The following TOM1L2 variants were observed in gnomAD, a reference collection of about 807,000 sequenced individuals.
TOM1L2 encodes TOM1-like protein 2.
TOM1L2 carries 31 observed loss-of-function variants against 67.9 expected under a neutral mutation model. The ratio of observed to expected loss-of-function variants is 0.46; its 90% CI spans 0.34 to 0.62. The LOEUF is 0.62. Among genes scored for constraint, TOM1L2 ranks in the 20% least tolerant of loss-of-function variants. The pLI is 0.01. For missense variants in TOM1L2, 606 were observed against 663.5 expected, an observed-to-expected ratio of 0.91 and a Z score of 0.95; for synonymous variants, 256 against 254.0, an observed-to-expected ratio of 1.01 and a Z score of -0.07.
chr17:17,921,662 G>A (rs745722018), intron 1 of TOM1L2, among the ~76,000 whole-genome samples: 9 of 151,092 alleles, frequency 6.0e-5, no homozygotes, highest in Non-Finnish European at 1.2e-4. Context: ...AGACAGGTGG[G>A]GGTGGCTGGG....
intron 2 of TOM1L2, among the ~76,000 whole-genome samples, chr17:17,905,860 G>A (rs1346431179): frequency 2.6e-5 from 4 of 152,086 alleles, no homozygotes; most frequent in Non-Finnish European, 1.5e-5. Context: ...GGTTCTACAT[G>A]GCCCTGTGTT....
At chr17:17,879,570 C>T (rs2037604235) in intron 7 of TOM1L2, 57 bp downstream of exon 7, 1 of 1,411,848 alleles carries the variant, frequency 7.1e-7, no homozygotes, top group Admixed American at 1.7e-5. Context: ...GATCCTCCAA[C>T]AGTGTACGGT....
intron 1 of TOM1L2, among the ~76,000 whole-genome samples, chr17:17,935,400 A>T (rs568986689): frequency 1.4e-4 from 21 of 152,362 alleles, no homozygotes; most frequent in Middle Eastern, 3.4e-3. Context: ...TCCTTGATTT[A>T]AATTGGGCTT....
intron 10 of TOM1L2, among the ~76,000 whole-genome samples, chr17:17,863,858 CTT>C (rs1228749126): frequency 6.6e-6 from 1 of 151,648 alleles, no homozygotes; most frequent in African/African-American, 2.4e-5. Flanking sequence ...GGACACTACA[CTT>C]TTGTTGTTGT....
At chr17:17,864,461 C>T (rs1392979363) in intron 10 of TOM1L2, among the ~76,000 whole-genome samples, 1 of 150,430 alleles carries the variant, frequency 6.6e-6, no homozygotes, top group Non-Finnish European at 1.5e-5. Context: ...CCACCCGCCT[C>T]GGCCTCCCAA....
At chr17:17,943,157 G>C (rs2040806432) in intron 1 of TOM1L2, among the ~76,000 whole-genome samples, 1 of 152,056 alleles carries the variant, frequency 6.6e-6, no homozygotes, top group African/African-American at 2.4e-5. Context: ...ATAAGAAAAA[G>C]CAAAAATAAA....
At chr17:17,942,896 T>A (rs969376412) in intron 1 of TOM1L2, among the ~76,000 whole-genome samples, 1 of 152,198 alleles carries the variant, frequency 6.6e-6, no homozygotes, top group South Asian at 2.1e-4. Flanking sequence ...CTCAGAGACA[T>A]GAAGACTGTT....
intron 2 of TOM1L2, among the ~76,000 whole-genome samples, chr17:17,899,469 T>C (rs1282191182): frequency 2.6e-5 from 4 of 152,250 alleles, no homozygotes; most frequent in Admixed American, 2.6e-4. Context: ...GTGGAGCTGT[T>C]TGGAAGTTGG....
intron 1 of TOM1L2, among the ~76,000 whole-genome samples, chr17:17,966,114 C>A (rs1030788341): frequency 6.6e-6 from 1 of 152,130 alleles, no homozygotes; most frequent in Non-Finnish European, 1.5e-5. Flanking sequence ...GAGCAAGACT[C>A]CATCTGGAAA....
At position 17,898,572 on chromosome 17, in the gene TOM1L2, C is replaced by G. The variant is rs762992435; in HGVS notation, c.216+24G>C. On this transcript the variant is annotated intron_variant, in intron 3 of 14. Transcript: ENST00000379504. ...GCAAGGAGTTCCCCAGATGACTTCTCTCCTCAAGGAGAATAGCACTCACTG... is the reference window on the plus strand; with the variant it reads ...GCAAGGAGTTCCCCAGATGACTTCTGTCCTCAAGGAGAATAGCACTCACTG... 2.5e-6 allele frequency: 4 copies of G among 1,613,450 alleles called. No homozygotes were observed. In the African/African-American group the frequency reaches 5.3e-5, roughly 22 times the overall value.
intron 4 of TOM1L2, 84 bp from the exon 5 acceptor site, chr17:17,884,852 C>A: frequency 6.4e-7 from 1 of 1,567,426 alleles, no homozygotes; most frequent in South Asian, 1.1e-5. Flanking sequence ...CGTCCTCTCC[C>A]CGAGACCAGT....
At chr17:17,866,150 C>T (rs1224249952) in intron 10 of TOM1L2, 146 bp downstream of exon 10, 3 of 984,970 alleles carry the variant, frequency 3.0e-6, no homozygotes, top group Non-Finnish European at 4.3e-6. Flanking sequence ...TAAGGTGGTA[C>T]AACTGGCTAG....
chr17:17,908,835 G>A (rs2039215155), intron 1 of TOM1L2, among the ~76,000 whole-genome samples: 1 of 152,190 alleles, frequency 6.6e-6, no homozygotes, highest in East Asian at 1.9e-4. Flanking sequence ...TTACACTTTT[G>A]ATGGAAATGT....
intron 1 of TOM1L2, among the ~76,000 whole-genome samples, chr17:17,934,562 C>CTGTGT (rs2040447477): frequency 6.6e-6 from 1 of 152,076 alleles, no homozygotes; most frequent in Non-Finnish European, 1.5e-5. Flanking sequence ...TTATGTCTTA[C>CTGTGT]TGTGTTTTGT....
At chr17:17,945,128 C>T (rs2040886923) in intron 1 of TOM1L2, among the ~76,000 whole-genome samples, 1 of 152,098 alleles carries the variant, frequency 6.6e-6, no homozygotes, top group Non-Finnish European at 1.5e-5. Context: ...CAGAAACTGG[C>T]AAAAGGTAAT....
chr17:17,886,347 C>T (rs2037999394), intron 4 of TOM1L2, among the ~76,000 whole-genome samples: 1 of 152,266 alleles, frequency 6.6e-6, no homozygotes, highest in Non-Finnish European at 1.5e-5. Context: ...GACAGCCCCT[C>T]TTGGCCAACA....
intron 2 of TOM1L2, 47 bp downstream of exon 2, chr17:17,907,400 C>T (rs1204418389): frequency 6.4e-7 from 1 of 1,571,902 alleles, no homozygotes; most frequent in Admixed American, 1.8e-5. Context: ...CTTTGAGTGG[C>T]CCCTAAAAGC....
At position 17,907,530 on chromosome 17, in the gene TOM1L2, T is replaced by C; in HGVS notation, c.54A>G (p.Glu18=). The change falls in exon 2 of 15, where the codon GAA becomes GAG. Residue 18 remains glutamate (E), a splice_region_variant and synonymous_variant. Transcript: ENST00000379504. ...TTTGCAGGGAGCCATCTGTTGCCTT[T>C]TCTGTGAAATCAGAGAGAAAATGGG... ...PFSTPVGQCL[E]KATDGSLQSE... 1 of 1,613,734 alleles carries C rather than the reference T, an allele frequency of 6.2e-7. No individual in the cohort carries two copies. The highest frequency in any genetic ancestry group is 8.5e-7 in the Non-Finnish European group (1 of 1,179,774).
intron 1 of TOM1L2, among the ~76,000 whole-genome samples, chr17:17,944,672 T>C (rs560628798): frequency 1.3e-5 from 2 of 152,334 alleles, no homozygotes; most frequent in East Asian, 3.9e-4. Flanking sequence ...GATTTTTATT[T>C]AACATAGTAT....
Sources: allele counts gnomAD v4.1 joint callset (sites outside exome capture counted in the v4.1 genomes callset), GRCh38; gene constraint gnomAD v4.1.1; transcripts MANE v1.5; gene names NCBI Gene and HGNC (gene_info 2026-07-23, HGNC 2026-07-21).